UGT1A7: variants seen among roughly 807,000 people sequenced by gnomAD.
UGT1A7 encodes UDP-glucuronosyltransferase 1A7.
In UGT1A7, 33 loss-of-function variants were observed where a neutral mutation model predicts 45.6. The observed-to-expected ratio is 0.72, with a 90% CI of 0.55 to 0.97. UGT1A7 has a LOEUF of 0.97. UGT1A7 is among the 50% of genes least tolerant of loss of function. The pLI is 0.00. For missense variants in UGT1A7, 684 were observed against 666.2 expected, an observed-to-expected ratio of 1.03 and a Z score of -0.29; for synonymous variants, 274 against 250.6, an observed-to-expected ratio of 1.09 and a Z score of -0.88.
chr2:233,705,148 A>AG (rs1553608078), intron 1 of UGT1A7, among the ~76,000 whole-genome samples: 17 of 150,992 alleles, frequency 1.1e-4, no homozygotes, highest in Non-Finnish European at 1.8e-4. Context: ...AAAAAAAAAA[A>AG]AGAGAGAGAG....
At chr2:233,714,022 T>C (rs1174092700) in intron 1 of UGT1A7, among the ~76,000 whole-genome samples, 2 of 152,152 alleles carry the variant, frequency 1.3e-5, no homozygotes, top group Non-Finnish European at 2.9e-5. Context: ...AAAGGGTCAA[T>C]GGTAGTGCAG....
intron 1 of UGT1A7, chr2:233,689,841 A>G (rs531695215): frequency 4.6e-5 from 21 of 454,008 alleles, no homozygotes; most frequent in Admixed American, 3.8e-4. Flanking sequence ...ACTTTCTTGG[A>G]TATTGTTTTA....
chr2:233,693,458 G>A lies in UGT1A7; in HGVS notation c.855+10666G>A. ...GTTTGATGCTCTTTTCACAGACCCAGCCTTACCCTGTGGGGTGATCCTGGC... is the reference window on the plus strand; with the variant it reads ...GTTTGATGCTCTTTTCACAGACCCAACCTTACCCTGTGGGGTGATCCTGGC... On this transcript the variant is annotated intron_variant, in intron 1 of 4. Coordinates refer to ENST00000373426, the MANE Select transcript of UGT1A7 (RefSeq NM_019077.3). The A allele has an allele frequency of 6.2e-7, 1 of 1,614,092 alleles. No individual in the cohort carries two copies. The highest frequency in any genetic ancestry group is 8.5e-7 in the Non-Finnish European group (1 of 1,180,020).
chr2:233,712,400 T>C (rs967947733), intron 1 of UGT1A7, among the ~76,000 whole-genome samples: 4 of 151,972 alleles, frequency 2.6e-5, no homozygotes, highest in Non-Finnish European at 5.9e-5. Context: ...TCAGAGAGAG[T>C]CCTCTTTGAG....
At chr2:233,718,968 G>A (rs1423240253) in intron 1 of UGT1A7, 1 of 1,614,222 alleles carries the variant, frequency 6.2e-7, no homozygotes, top group Non-Finnish European at 8.5e-7. Flanking sequence ...GGCCTTGCGG[G>A]AGCTCCATGC....
intron 1 of UGT1A7, among the ~76,000 whole-genome samples, chr2:233,717,100 T>TAAATAAAACACCACTACATGG: frequency 6.6e-6 from 1 of 152,062 alleles, no homozygotes. Flanking sequence ...CATCACTATC[T>TAAATAAAACACCACTACATGG]AAATAAAACA....
In UGT1A7 at chr2:233,757,560, A is replaced by ATATG. The variant is rs904896556; in HGVS notation, c.856-9473_856-9472insATGT. On this transcript the variant is annotated intron_variant, in intron 1 of 4. Transcript: ENST00000373426. The stretch of plus-strand genomic sequence containing the variant: ...AATATATATATATATATATATATAT[A>ATATG]TGTATATATGATATAGCTATAGTCT... 2.4e-4 allele frequency among the ~76,000 whole-genome samples: 29 copies of ATATG among 123,152 alleles called. 1 individual carries two copies. The highest frequency in any genetic ancestry group is 9.5e-4 in the African/African-American group (28 of 29,358). 80.8% of individuals were successfully genotyped at this position (123,152 alleles called of 152,430 possible). A position where few individuals can be genotyped will look rare whatever the true frequency, so the allele number is the denominator to read the frequency against.
Position 233,769,629 on chromosome 2 carries a change from CAG to C in UGT1A7, c.1295+1191_1295+1192del, listed in dbSNP as rs1699910145. On this transcript the variant is annotated intron_variant, in intron 4 of 4. Transcript: ENST00000373426. The surrounding 1 kb of genome is among the most constrained non-coding windows in gnomAD (Gnocchi z 4.4). ...ACACACCAGCTTGAGCAAGGGACAA[CAG>C]GGGAGGACTGATGACTGACTTCCCA... 1.2e-6 allele frequency: 2 copies of C among 1,611,730 alleles called. No homozygotes were observed.
chr2:233,745,515 T>C (rs1256648631), intron 1 of UGT1A7, among the ~76,000 whole-genome samples: 1 of 151,514 alleles, frequency 6.6e-6, no homozygotes, highest in African/African-American at 2.4e-5. Flanking sequence ...GGGTATTAGG[T>C]CTAATGGGGA....
At chr2:233,711,910 G>A (rs1432340801) in intron 1 of UGT1A7, among the ~76,000 whole-genome samples, 1 of 152,198 alleles carries the variant, frequency 6.6e-6, no homozygotes, top group East Asian at 1.9e-4. Context: ...AGACCATTGT[G>A]AGTGCTCAGG....
At chr2:233,718,645 A>G in intron 1 of UGT1A7, 1 of 1,494,710 alleles carries the variant, frequency 6.7e-7, no homozygotes, top group Non-Finnish European at 9.0e-7. Context: ...GGTTGGGCCC[A>G]TAACGAAAGG....
At chr2:233,747,707 A>G (rs1693758037) in intron 1 of UGT1A7, 3 of 1,612,682 alleles carry the variant, frequency 1.9e-6, no homozygotes, top group African/African-American at 1.3e-5. Flanking sequence ...CTAAGTACCT[A>G]TCAATTCCTG....
chr2:233,719,572 A>T (rs2076782519), intron 1 of UGT1A7: 1 of 1,613,740 alleles, frequency 6.2e-7, no homozygotes, highest in Admixed American at 1.7e-5. Context: ...CTTGTCAGCT[A>T]TGCATCCGTG....
At chr2:233,720,438 T>C (rs553453091) in intron 1 of UGT1A7, among the ~76,000 whole-genome samples, 3 of 152,172 alleles carry the variant, frequency 2.0e-5, no homozygotes, top group African/African-American at 7.2e-5. Context: ...ACCGTGAATC[T>C]ATAAGCCCAG....
intron 1 of UGT1A7, among the ~76,000 whole-genome samples, chr2:233,702,165 C>T (rs769310963): frequency 1.3e-5 from 2 of 152,160 alleles, no homozygotes; most frequent in Non-Finnish European, 2.9e-5. Flanking sequence ...TTATCAGTCA[C>T]TCTTCTTTCT....
intron 1 of UGT1A7, among the ~76,000 whole-genome samples, chr2:233,721,048 T>A (rs1417218537): frequency 6.6e-6 from 1 of 152,110 alleles, no homozygotes. Flanking sequence ...TGAGCCCTTT[T>A]TTGTCATATT....
intron 1 of UGT1A7, among the ~76,000 whole-genome samples, chr2:233,725,123 C>T (rs1575559586): frequency 7.2e-6 from 1 of 137,948 alleles, no homozygotes; most frequent in South Asian, 2.6e-4. Flanking sequence ...TTGCAGTGAG[C>T]CGAGATGGCA....
chr2:233,708,617 A>T (rs1206413155), intron 1 of UGT1A7: 2 of 152,068 alleles, frequency 1.3e-5, no homozygotes, highest in African/African-American at 4.8e-5. Flanking sequence ...TGGACATGGT[A>T]GCGTGTGCCT....
chr2:233,719,078 G>A, intron 1 of UGT1A7: 11 of 1,614,254 alleles, frequency 6.8e-6, no homozygotes, highest in Non-Finnish European at 9.3e-6. Context: ...CATGGACCCA[G>A]AAGGAATTTG....
Sources: gnomAD v4.1 joint callset for allele counts (sites outside exome capture counted in the v4.1 genomes callset) on GRCh38, gnomAD v4.1.1 for gene constraint, Gnocchi (gnomAD v3.1) non-coding constraint, MANE v1.5 for transcripts, NCBI Gene and HGNC (gene_info 2026-07-23, HGNC 2026-07-21) for gene names.